Variants in KIF26B observed in about 807,000 individuals in gnomAD.
The protein encoded by KIF26B is kinesin-like protein KIF26B.
A neutral mutation model predicts 151.2 loss-of-function variants in KIF26B; 63 were observed. The ratio of observed to expected loss-of-function variants is 0.42; its 90% CI spans 0.34 to 0.51. The LOEUF (loss-of-function observed/expected upper bound fraction) is 0.51. Among genes scored for constraint, KIF26B ranks in the 20% least tolerant of loss-of-function variants. The probability of loss-of-function intolerance (pLI) is 0.07; values close to 1 mark genes in which losing one functional copy is unlikely to be tolerated. For synonymous variants in KIF26B, 1,357 were observed against 1,262.1 expected (o/e 1.08, Z -1.59); for missense variants, 2,813 against 2,913.6 (o/e 0.97, Z 0.79).
chr1:245,557,678 G>A (rs367919192), intron 5 of KIF26B, among the ~76,000 whole-genome samples: 2 of 152,148 alleles, frequency 1.3e-5, no homozygotes, highest in Non-Finnish European at 2.9e-5. Context: ...AGCTTCAGAC[G>A]CCTGTTCAAG....
At chr1:245,356,096 ACT>A (rs1672689823) in intron 2 of KIF26B, among the ~76,000 whole-genome samples, 1 of 151,576 alleles carries the variant, frequency 6.6e-6, no homozygotes, top group Admixed American at 6.6e-5. Flanking sequence ...TTCCCAAGTG[ACT>A]CTGCGCAGGG....
Position 245,264,615 on chromosome 1 carries a change from C to T in KIF26B, c.466-102219C>T, listed in dbSNP as rs752324205. Among the ~76,000 whole-genome samples the T allele has an allele frequency of 3.9e-5, 6 of 152,240 alleles. No homozygotes were observed. The South Asian group carries it at 6.2e-4, about 16-fold the overall frequency. ...AAACAAAAAAAAACAGAGCCCCAGG[C>T]TGGATGCCGTGGCTCACGCCTGTAA... On this transcript the variant is annotated intron_variant, in intron 2 of 14. Transcript: ENST00000407071.
intron 10 of KIF26B, among the ~76,000 whole-genome samples, chr1:245,672,894 C>A (rs1317487981): frequency 1.3e-5 from 2 of 151,982 alleles, no homozygotes; most frequent in Non-Finnish European, 1.5e-5. Context: ...AGAATGAGAT[C>A]AATAAATATA....
intron 2 of KIF26B, among the ~76,000 whole-genome samples, chr1:245,250,369 G>T (rs1398747250): frequency 6.6e-6 from 1 of 152,142 alleles, no homozygotes; most frequent in Non-Finnish European, 1.5e-5. Flanking sequence ...CTATCCATTT[G>T]GTTTATTTGA....
chr1:245,165,459 T>A (rs1426359006), intron 2 of KIF26B, among the ~76,000 whole-genome samples: 1 of 152,070 alleles, frequency 6.6e-6, no homozygotes, highest in Non-Finnish European at 1.5e-5. Flanking sequence ...GAGCTTGAGG[T>A]GGAATGGTCC....
chr1:245,591,260 G>A (rs953751942), intron 5 of KIF26B, among the ~76,000 whole-genome samples: 1 of 152,142 alleles, frequency 6.6e-6, no homozygotes, highest in Non-Finnish European at 1.5e-5. Context: ...GTCACACAGC[G>A]ACCAAGAGTC....
At position 245,601,446 on chromosome 1, in the gene KIF26B, C is replaced by G. The variant is rs1413785607; in HGVS notation, c.1351-1131C>G. On this transcript the variant is annotated intron_variant, in intron 5 of 14. Transcript: ENST00000407071. The surrounding 1 kb of genome is among the most constrained non-coding windows in gnomAD (Gnocchi z 4.4). Reference sequence around the variant, plus strand: ...TTATTTAAAAATTACAACCACCCCTCCTCCTCAAAATTGCATGACAGAGAT... The same window carrying G: ...TTATTTAAAAATTACAACCACCCCTGCTCCTCAAAATTGCATGACAGAGAT... Among the ~76,000 whole-genome samples, 1 of 152,188 alleles carries G rather than the reference C, an allele frequency of 6.6e-6. No individual in the cohort carries two copies. The highest frequency in any genetic ancestry group is 2.4e-5 in the African/African-American group (1 of 41,432).
chr1:245,521,233 A>G (rs1661097687), intron 4 of KIF26B, among the ~76,000 whole-genome samples: 1 of 151,886 alleles, frequency 6.6e-6, no homozygotes, highest in South Asian at 2.1e-4. Context: ...GCTACTCCGA[A>G]GGCTGAGGCA....
At chr1:245,494,716 G>T (rs1303247955) in intron 4 of KIF26B, among the ~76,000 whole-genome samples, 1 of 152,080 alleles carries the variant, frequency 6.6e-6, no homozygotes, top group Non-Finnish European at 1.5e-5. Context: ...ATACAATAAA[G>T]AATTTCACCA....
At chr1:245,289,563 A>G (rs551059053) in intron 2 of KIF26B, among the ~76,000 whole-genome samples, 112 of 152,312 alleles carry the variant, frequency 7.4e-4, no homozygotes, top group Non-Finnish European at 1.3e-3. Context: ...TGTGGCTCCA[A>G]TGAAGTCTTG....
chr1:245,530,136 A>G (rs1661328882), intron 4 of KIF26B, among the ~76,000 whole-genome samples: 1 of 152,216 alleles, frequency 6.6e-6, no homozygotes, highest in Admixed American at 6.5e-5. Context: ...TGAGATTATC[A>G]TCTCACCACA....
chr1:245,325,736 C>T (rs1407929412), intron 2 of KIF26B, among the ~76,000 whole-genome samples: 1 of 152,014 alleles, frequency 6.6e-6, no homozygotes, highest in South Asian at 2.1e-4. Context: ...AAAAAAGAAT[C>T]CATTTCATCC....
chr1:245,169,893 C>T (rs897256512), intron 2 of KIF26B, among the ~76,000 whole-genome samples: 1 of 152,146 alleles, frequency 6.6e-6, no homozygotes, highest in Non-Finnish European at 1.5e-5. Flanking sequence ...TTCTGAATCT[C>T]CTTCAAAGAT....
At chr1:245,625,266 A>T (rs1381303095) in intron 9 of KIF26B, among the ~76,000 whole-genome samples, 1 of 152,142 alleles carries the variant, frequency 6.6e-6, no homozygotes, top group African/African-American at 2.4e-5. Flanking sequence ...TTCCATACAA[A>T]TTTTAGAGTC....
chr1:245,684,884 G>A (rs1305668551), intron 11 of KIF26B, among the ~76,000 whole-genome samples: 1 of 152,196 alleles, frequency 6.6e-6, no homozygotes, highest in African/African-American at 2.4e-5. Context: ...AGTGGTTTCT[G>A]GATGATACTG....
chr1:245,530,516 A>C (rs1661338010), intron 4 of KIF26B, among the ~76,000 whole-genome samples: 1 of 152,228 alleles, frequency 6.6e-6, no homozygotes, highest in Non-Finnish European at 1.5e-5. Context: ...GAAGAATGAG[A>C]TCCTGCCATT....
intron 5 of KIF26B, among the ~76,000 whole-genome samples, chr1:245,569,927 ATT>A (rs869238168): frequency 0.041 from 1,944 of 47,160 alleles, no homozygotes; most frequent in East Asian, 0.13. Context: ...TAAATAGAGA[ATT>A]TTTTTTTTTT....
chr1:245,364,842 T>C (rs952930091), intron 2 of KIF26B, among the ~76,000 whole-genome samples: 10 of 152,142 alleles, frequency 6.6e-5, no homozygotes, highest in Admixed American at 6.5e-4. Context: ...TTTGGTGCCT[T>C]GAGAGCATAA....
At chr1:245,627,703 GA>G (rs74163858) in intron 9 of KIF26B, among the ~76,000 whole-genome samples, 7 of 147,316 alleles carry the variant, frequency 4.8e-5, no homozygotes, top group East Asian at 2.0e-4. Flanking sequence ...CCAGTTTTTT[GA>G]AAAAAAAAAT....
Sources: gnomAD v4.1 joint callset for allele counts (sites outside exome capture counted in the v4.1 genomes callset) on GRCh38, gnomAD v4.1.1 for gene constraint, Gnocchi (gnomAD v3.1) non-coding constraint, MANE v1.5 for transcripts, NCBI Gene and HGNC (gene_info 2026-07-23, HGNC 2026-07-21) for gene names.